GRK4: variants seen among roughly 807,000 people sequenced by gnomAD.
The protein encoded by GRK4 is G protein-coupled receptor kinase 4.
In GRK4, 73 loss-of-function variants were observed where a neutral mutation model predicts 77.9. The ratio of observed to expected loss-of-function variants is 0.94; its 90% CI spans 0.78 to 1.14. The LOEUF (loss-of-function observed/expected upper bound fraction) is 1.14. GRK4 is among the 50% of genes most tolerant of loss of function. The probability of loss-of-function intolerance (pLI) is 0.00; values close to 1 mark genes in which losing one functional copy is unlikely to be tolerated. For synonymous variants in GRK4, 257 were observed against 254.4 expected (o/e 1.01, Z -0.10); for missense variants, 729 against 700.2 (o/e 1.04, Z -0.46).
chr4:2,998,786 C>A (rs1728710839), intron 4 of GRK4, among the ~76,000 whole-genome samples: 1 of 151,758 alleles, frequency 6.6e-6, no homozygotes, highest in African/African-American at 2.4e-5. Context: ...CAGTACTCCC[C>A]AAATTGATCT....
chr4:3,040,703 G>A lies in GRK4; in HGVS notation c.*78G>A, dbSNP rs1050948827. 1 of 1,181,598 alleles carries A rather than the reference G, an allele frequency of 8.5e-7. No individual in the cohort carries two copies. Among genetic ancestry groups the A allele is most frequent in the Non-Finnish European group, 1.2e-6 (1 of 806,932 alleles). The allele number at this position is 1,181,598 out of a possible 1,614,324, so 73.2% of individuals were successfully genotyped here. A position where few individuals can be genotyped will look rare whatever the true frequency, so the allele number is the denominator to read the frequency against. On this transcript the variant is annotated 3_prime_UTR_variant, in exon 16 of 16. Transcript: ENST00000398052. ...TTAGCGTCTCGTCCCACCTGGAATT[G>A]TAATAAATACATCTAAATAAAACAT...
intron 7 of GRK4, among the ~76,000 whole-genome samples, 180 bp downstream of exon 7, chr4:3,009,891 A>T (rs1732401692): frequency 1.3e-5 from 2 of 152,218 alleles, no homozygotes; most frequent in African/African-American, 4.8e-5. Flanking sequence ...AAGGTTTTTA[A>T]GAATCCCTTC....
chr4:2,988,075 CAAAAAAAAAAAAAAA>C (rs67664476), intron 2 of GRK4, among the ~76,000 whole-genome samples: 2 of 33,688 alleles, frequency 5.9e-5, no homozygotes, highest in East Asian at 8.0e-4. Context: ...GGCTCTGTCT[CAAAAAAAAAAAAAAA>C]AAAAAAAAAG....
At chr4:2,977,747 C>G (rs1391151400) in intron 1 of GRK4, among the ~76,000 whole-genome samples, 2 of 152,080 alleles carry the variant, frequency 1.3e-5, no homozygotes, top group Non-Finnish European at 2.9e-5. Flanking sequence ...CACGGAGAAC[C>G]GTGTGGGAGA....
Position 3,009,655 on chromosome 4 carries a change from G to C in GRK4, c.544G>C (p.Val182Leu), listed in dbSNP as rs141282743. The C allele has an allele frequency of 1.2e-6, 2 of 1,613,144 alleles. No individual in the cohort carries two copies. The highest frequency in any genetic ancestry group is 2.2e-5 in the South Asian group (2 of 91,028). Residue 182 changes from valine to leucine, a missense_variant, in exon 7 of 16, where the codon GTA becomes CTA. By Grantham distance (32) the Val-to-Leu change is conservative (BLOSUM62 1). Transcript: ENST00000398052. Reference sequence around the variant, plus strand: ...GTTTTTCTCATTGATTAGGCAACCCGTAACAAAGAACACATTTAGACATTA... The same window carrying C: ...GTTTTTCTCATTGATTAGGCAACCCCTAACAAAGAACACATTTAGACATTA... ...LQWKWLERQPVTKNTFRHYRV... is the reference protein window; with the variant it reads ...LQWKWLERQPLTKNTFRHYRV...
At chr4:3,011,258 A>C (rs1363830408) in intron 7 of GRK4, among the ~76,000 whole-genome samples, 2 of 152,170 alleles carry the variant, frequency 1.3e-5, no homozygotes, top group East Asian at 3.9e-4. Context: ...AGGATATAAT[A>C]GGGACATGTT....
In GRK4 at chr4:3,019,656, G is replaced by T. The variant is rs3213502; in HGVS notation, c.757G>T (p.Ala253Ser). 2 of 1,613,192 alleles carry T rather than the reference G, an allele frequency of 1.2e-6. No homozygotes were observed. Among genetic ancestry groups the T allele is most frequent in the Non-Finnish European group, 8.5e-7 (1 of 1,179,436 alleles). ...CTGTCTTTAGGTTAGTTTAGCCTAC[G>T]CTTATGAAACCAAAGATGCCTTGTG... is the stretch of plus-strand genomic sequence containing the variant. Reference protein sequence around the residue: ...QSRFVVSLAYAYETKDALCLV... With the variant: ...QSRFVVSLAYSYETKDALCLV... Residue 253 changes from alanine (A) to serine (S), a missense_variant, in exon 9 of 16, where the codon GCT becomes TCT. Ala to Ser is a moderately conservative substitution (Grantham distance 99). Coordinates refer to ENST00000398052, the MANE Select transcript of GRK4 (RefSeq NM_182982.3).
chr4:3,012,378 G>T (rs999357094), intron 7 of GRK4, among the ~76,000 whole-genome samples: 1 of 152,150 alleles, frequency 6.6e-6, no homozygotes, highest in Non-Finnish European at 1.5e-5. Flanking sequence ...TGGGAACAGG[G>T]TATGTATTCT....
chr4:2,968,080 T>C (rs1441637356), intron 1 of GRK4, among the ~76,000 whole-genome samples: 1 of 151,762 alleles, frequency 6.6e-6, no homozygotes, highest in African/African-American at 2.4e-5. Flanking sequence ...CGTGAGCCAC[T>C]GTGCCCGGCC....
chr4:3,019,793 C>T lies in GRK4; in HGVS notation c.894C>T (p.Cys298=), dbSNP rs770625534. ...TTTTCTATGCTGCAGAGCTGTGTTG[C>T]GGCTTGGAAGATTTACAGAGGGAAA... ...RAVFYAAELC[C]GLEDLQRERI... The change falls in exon 9 of 16, where the codon TGC becomes TGT. Residue 298 remains cysteine, a synonymous_variant. Transcript: ENST00000398052. 5.3e-5 allele frequency: 85 copies of T among 1,613,870 alleles called. No individual in the cohort carries two copies. The South Asian group carries it at 6.4e-4, about 12-fold the overall frequency.
intron 8 of GRK4, among the ~76,000 whole-genome samples, chr4:3,015,791 T>C (rs13152260): frequency 0.79 from 120,041 of 151,718 alleles, 47,865 homozygotes; most frequent in African/African-American, 0.87. Context: ...ACATATTTTT[T>C]GGCTGGGCTT....
chr4:2,965,120 T>G (rs1717130095), intron 1 of GRK4: 1 of 607,836 alleles, frequency 1.6e-6, no homozygotes, highest in South Asian at 2.0e-5. Flanking sequence ...CTTCTGTAAG[T>G]TTGCTTATAA....
intron 4 of GRK4, 94 bp from the exon 5 acceptor site, chr4:3,004,137 T>C (rs1560431344): frequency 2.2e-6 from 2 of 923,664 alleles, no homozygotes; most frequent in Non-Finnish European, 3.4e-6. Flanking sequence ...TTATACACTT[T>C]GTGTTTCATT....
Position 2,988,851 on chromosome 4 carries a change from A to G in GRK4, c.261+12A>G, listed in dbSNP as rs1287633695. On this transcript the variant is annotated intron_variant, in intron 3 of 15. Transcript: ENST00000398052. The stretch of plus-strand genomic sequence containing the variant: ...TCTTGGATGCAGTGGTGAGCAGTTT[A>G]TCTCCATATTGAGCAACCACCCAAT... The G allele has an allele frequency of 1.4e-6, 2 of 1,480,240 alleles. No homozygotes were observed. The highest frequency in any genetic ancestry group is 2.8e-5 in the African/African-American group (2 of 72,140). 91.7% of individuals were successfully genotyped at this position (1,480,240 alleles called of 1,614,324 possible).
intron 12 of GRK4, among the ~76,000 whole-genome samples, chr4:3,032,001 A>G (rs1739312682): frequency 6.6e-6 from 1 of 152,152 alleles, no homozygotes; most frequent in Admixed American, 6.5e-5. Flanking sequence ...TCCTGGAGCC[A>G]GGGGTCAGCC....
At chr4:2,990,500 G>T (rs1725830714) in intron 3 of GRK4, among the ~76,000 whole-genome samples, 1 of 151,938 alleles carries the variant, frequency 6.6e-6, no homozygotes, top group Admixed American at 6.6e-5. Flanking sequence ...CAGGTGATCT[G>T]CCCGTCTCGG....
intron 4 of GRK4, among the ~76,000 whole-genome samples, chr4:3,003,863 A>C (rs968662539): frequency 6.6e-6 from 1 of 152,110 alleles, no homozygotes; most frequent in Non-Finnish European, 1.5e-5. Flanking sequence ...CAGCCTCCCA[A>C]GTAGCTACCT....
At chr4:3,023,690 C>G (rs900493329) in intron 10 of GRK4, among the ~76,000 whole-genome samples, 1 of 152,206 alleles carries the variant, frequency 6.6e-6, no homozygotes, top group African/African-American at 2.4e-5. Context: ...GTGCTGCTCA[C>G]CAGAGGTGGC....
Position 3,029,213 on chromosome 4 carries a change from T to C in GRK4, c.1073T>C (p.Val358Ala). 1.2e-6 allele frequency: 2 copies of C among 1,611,644 alleles called. No homozygotes were observed. The highest frequency in any genetic ancestry group is 1.7e-6 in the Non-Finnish European group (2 of 1,178,362). ...GTVGYMAPEV[V>A]NNEKYTFSPD... ...ATTTGTTATGTAGCACCTGAAGTTG[T>C]CAATAATGAAAAGTATACGTTTAGT... The change falls in exon 12 of 16, where the codon GTC (valine) becomes GCC (alanine). Residue 358 changes from valine to alanine, a missense_variant. Transcript: ENST00000398052.
Sources: allele counts gnomAD v4.1 joint callset (sites outside exome capture counted in the v4.1 genomes callset), GRCh38; gene constraint gnomAD v4.1.1; transcripts MANE v1.5; gene names NCBI Gene and HGNC (gene_info 2026-07-23, HGNC 2026-07-21).